MCM7: variants seen among roughly 807,000 people sequenced by gnomAD.
MCM7 encodes the protein minichromosome maintenance complex component 7.
In MCM7, 95 loss-of-function variants were observed where a neutral mutation model predicts 83.5. That is an observed-to-expected ratio of 1.14 (90% CI 0.96 to 1.35). MCM7 has a LOEUF of 1.35. MCM7 is among the 40% of genes most tolerant of loss of function. The pLI is 0.00. For missense variants in MCM7, 1,087 were observed against 957.4 expected (o/e 1.14, Z -1.79); for synonymous variants, 461 against 352.7 (o/e 1.31, Z -3.44).
intron 6 of MCM7, 39 bp downstream of exon 6, chr7:100,098,539 C>T (rs1446000941): frequency 6.2e-7 from 1 of 1,611,772 alleles, no homozygotes; most frequent in Admixed American, 1.7e-5. Flanking sequence ...CAAGTGGACT[C>T]CCGATCCACC....
intron 13 of MCM7, 71 bp from the exon 14 acceptor site, chr7:100,093,472 G>T: frequency 1.4e-6 from 2 of 1,413,132 alleles, no homozygotes; most frequent in Non-Finnish European, 2.0e-6. Context: ...GGACACCCTT[G>T]TTCTGGCTTT....
chr7:100,097,787 G>A (rs1795720617), intron 8 of MCM7, 42 bp from the exon 9 acceptor site: 1 of 1,613,950 alleles, frequency 6.2e-7, no homozygotes, highest in South Asian at 1.1e-5. Flanking sequence ...GGGGGAAAAG[G>A]GAGCTAGGAT....
At chr7:100,094,602 G>A (rs867431286) in intron 12 of MCM7, among the ~76,000 whole-genome samples, 5 of 152,054 alleles carry the variant, frequency 3.3e-5, no homozygotes, top group South Asian at 2.1e-4. Context: ...AGACAAATCC[G>A]TCTGTCATTA....
intron 12 of MCM7, 31 bp downstream of exon 12, chr7:100,095,356 A>G (rs1438103507): frequency 5.0e-6 from 8 of 1,596,000 alleles, no homozygotes; most frequent in Non-Finnish European, 6.8e-6. Flanking sequence ...GCCCACGCCA[A>G]CGTTTGCCCA....
At chr7:100,100,128 C>CT (rs771729605) in intron 1 of MCM7, 35 bp from the exon 2 acceptor site, 1 of 1,608,710 alleles carries the variant, frequency 6.2e-7, no homozygotes, top group African/African-American at 1.3e-5. Flanking sequence ...AAGACACAAA[C>CT]TTTAAGACAA....
chr7:100,095,333 G>A (rs1342994394), intron 12 of MCM7, 54 bp downstream of exon 12: 11 of 1,508,246 alleles, frequency 7.3e-6, no homozygotes, highest in Middle Eastern at 4.1e-4. Flanking sequence ...CACTTTTTCA[G>A]GAGGCTCGCA....
rs148883727 is a variant in MCM7, at chr7:100,093,039, C to G, written c.2053G>C (p.Val685Leu). ...TGGGCGGGTGTGAAGCCACGAGATA[C>G]ACAGCGCTGCTCTGCCTCAGAGAAC... ...VRFSEAEQRC[V>L]SRGFTPAQFQ... Residue 685 changes from valine (V) to leucine (L), a missense_variant, in exon 15 of 15, where the codon GTA becomes CTA. Physicochemically the swap from Val to Leu is conservative, Grantham distance 32. Transcript: ENST00000303887. 16 of 1,614,242 alleles carry G rather than the reference C, an allele frequency of 9.9e-6. No individual in the cohort carries two copies. The highest frequency in any genetic ancestry group is 1.4e-5 in the Non-Finnish European group (16 of 1,180,044).
chr7:100,096,388 G>C (rs1795637320), intron 10 of MCM7, among the ~76,000 whole-genome samples: 1 of 152,030 alleles, frequency 6.6e-6, no homozygotes, highest in Non-Finnish European at 1.5e-5. Context: ...CTGAAACCTT[G>C]GCTCCTGGGC....
rs139760215 is a variant in MCM7 at position 100,098,166 on chromosome 7, C to A, written c.845G>T (p.Arg282Leu). Reference protein sequence around the residue: ...SVTGIFLPILRTGFRQVVQGL... With the variant: ...SVTGIFLPILLTGFRQVVQGL... ...CTGTACCACCTGTCGGAACCCAGTG[C>A]GCAGGATTGGCAAGAAAATACCAGT... Residue 282 changes from arginine (R) to leucine (L), a missense_variant, in exon 7 of 15, where the codon CGC becomes CTC. Physicochemically the swap from Arg to Leu is moderately radical, Grantham distance 102. Transcript: ENST00000303887. The A allele has an allele frequency of 1.9e-6, 3 of 1,614,062 alleles. No homozygotes were observed. The highest frequency in any genetic ancestry group is 2.5e-6 in the Non-Finnish European group (3 of 1,179,996).
At chr7:100,101,231 G>A (rs199801842) in intron 1 of MCM7, 33 bp downstream of exon 1, 2 of 1,612,252 alleles carry the variant, frequency 1.2e-6, no homozygotes, top group Admixed American at 1.7e-5. Flanking sequence ...GGCTCCCCGC[G>A]CAGGACGCCC....
intron 1 of MCM7, chr7:100,100,371 C>T: frequency 9.0e-7 from 1 of 1,107,210 alleles, no homozygotes; most frequent in South Asian, 2.4e-5. Context: ...TCCCCGTTGG[C>T]CCCTCACACT....
chr7:100,096,193 TGAGA>T (rs1432223536), intron 10 of MCM7, 26 bp from the exon 11 acceptor site: 6 of 1,533,696 alleles, frequency 3.9e-6, no homozygotes, highest in Admixed American at 2.1e-5. Context: ...TAAGGAACCA[TGAGA>T]GAGAAAGAAC....
intron 13 of MCM7, chr7:100,093,619 A>G (rs1562891753): frequency 1.3e-6 from 1 of 760,910 alleles, no homozygotes; most frequent in Non-Finnish European, 2.5e-6. Context: ...GCAATTGCCC[A>G]AGTCTCCGCC....
chr7:100,099,634 A>G lies in MCM7; in HGVS notation c.231T>C (p.Phe77=). 1 of 1,614,138 alleles carries G rather than the reference A, an allele frequency of 6.2e-7. No homozygotes were observed. The highest frequency in any genetic ancestry group is 8.5e-7 in the Non-Finnish European group (1 of 1,180,030). The change falls in exon 3 of 15, where the codon TTT becomes TTC. Residue 77 remains phenylalanine (F), a synonymous_variant. Coordinates refer to ENST00000303887, the MANE Select transcript of MCM7 (RefSeq NM_005916.5). The part of the protein sequence containing the change: ...CENARRYAKL[F]ADAVQELLPQ... ...GCAGCAGCTCTTGTACGGCATCAGCAAAGAGCTTCGCGTAGCGCCTGGCAT... is the reference window on the plus strand; with the variant it reads ...GCAGCAGCTCTTGTACGGCATCAGCGAAGAGCTTCGCGTAGCGCCTGGCAT...
At chr7:100,100,572 C>T in intron 1 of MCM7, 1 of 991,840 alleles carries the variant, frequency 1.0e-6, no homozygotes, top group East Asian at 1.1e-4. Context: ...CGCTTCACAG[C>T]TCGGGATTCC....
rs186478756 is a variant in MCM7 at position 100,098,086 on chromosome 7, T to A, written c.870+55A>T. 4 of 1,598,522 alleles carry A rather than the reference T, an allele frequency of 2.5e-6. No individual in the cohort carries two copies. In the Admixed American group the frequency reaches 6.7e-5, roughly 27 times the overall value. ...TGCTCTTTTCTCTGTGTGGGTAGAA[T>A]GAGTAGGTGAGGGAAAAGGGGATGA... On this transcript the variant is annotated intron_variant, in intron 7 of 14. Transcript: ENST00000303887.
intron 13 of MCM7, 38 bp downstream of exon 13, chr7:100,094,127 CTTTAAGGG>C: frequency 6.2e-7 from 1 of 1,613,140 alleles, no homozygotes; most frequent in Non-Finnish European, 8.5e-7. Flanking sequence ...GGAGCTACCC[CTTTAAGGG>C]TCAAAACAGA....
At chr7:100,100,563 G>T in intron 1 of MCM7, 1 of 991,340 alleles carries the variant, frequency 1.0e-6, no homozygotes. Context: ...GATTCCAGCC[G>T]CTTCACAGCT....
rs759428751 is a variant in MCM7 at position 100,095,970 on chromosome 7, T to TG, written c.1398dup (p.Ile467HisfsTer50). The TG allele has an allele frequency of 1.2e-6, 2 of 1,613,948 alleles. No individual in the cohort carries two copies. Among genetic ancestry groups the TG allele is most frequent in the South Asian group, 2.2e-5 (2 of 91,080 alleles). ...AGAATGCCGGCCTTGGCAATGGAGA[T>TG]GGTCTGCTGCTCCATGACCTCGTGG... On this transcript the variant is annotated frameshift_variant, in exon 11 of 15. Coordinates refer to ENST00000303887, the MANE Select transcript of MCM7 (RefSeq NM_005916.5). LOFTEE classifies it high-confidence loss of function.
Sources: gnomAD v4.1 joint callset for allele counts (sites outside exome capture counted in the v4.1 genomes callset) on GRCh38, gnomAD v4.1.1 for gene constraint, MANE v1.5 for transcripts, NCBI Gene and HGNC (gene_info 2026-07-23, HGNC 2026-07-21) for gene names.